The following TCF20 variants were observed in gnomAD, a reference collection of about 807,000 sequenced individuals.
TCF20 encodes SPRE-binding protein.
Under a neutral mutation model 148.6 loss-of-function variants are expected in TCF20, and 3 were observed. That is an observed-to-expected ratio of 0.02 (90% CI 0.01 to 0.05). The LOEUF is 0.05. Among genes scored for constraint, TCF20 ranks in the 10% least tolerant of loss-of-function variants. The pLI is 1.00. For synonymous variants in TCF20, 1,049 were observed against 909.5 expected, an observed-to-expected ratio of 1.15 and a Z score of -2.76; for missense variants, 2,350 against 2,429.3, an observed-to-expected ratio of 0.97 and a Z score of 0.69.
chr22:42,232,579 G>A (rs954610071), intron 1 of TCF20, among the ~76,000 whole-genome samples: 5 of 152,260 alleles, frequency 3.3e-5, no homozygotes, highest in South Asian at 4.1e-4. Flanking sequence ...CGTAATCCCA[G>A]CACTTTGGGA....
At chr22:42,283,423 A>G (rs1486250933) in intron 1 of TCF20, among the ~76,000 whole-genome samples, 1 of 151,520 alleles carries the variant, frequency 6.6e-6, no homozygotes, top group Non-Finnish European at 1.5e-5. Context: ...ACCGGAGGGG[A>G]CGGGGGCGGG....
At chr22:42,316,327 C>T (rs969417180) in intron 1 of TCF20, among the ~76,000 whole-genome samples, 8 of 152,086 alleles carry the variant, frequency 5.3e-5, no homozygotes, top group Non-Finnish European at 1.5e-5. Flanking sequence ...TGCTCCCAAA[C>T]GCTGACCCTG....
At chr22:42,309,643 C>T (rs1200769481) in intron 1 of TCF20, among the ~76,000 whole-genome samples, 1 of 139,080 alleles carries the variant, frequency 7.2e-6, no homozygotes, top group East Asian at 2.0e-4. Flanking sequence ...TCCCCAATGC[C>T]AGCAACGCCC....
intron 2 of TCF20, among the ~76,000 whole-genome samples, chr22:42,189,824 T>C (rs922093740): frequency 6.6e-6 from 1 of 152,244 alleles, no homozygotes; most frequent in Non-Finnish European, 1.5e-5. Flanking sequence ...CTTCCTTATA[T>C]TCAGATATTC....
chr22:42,313,602 T>TC (rs1239911394), intron 1 of TCF20, among the ~76,000 whole-genome samples: 5 of 148,876 alleles, frequency 3.4e-5, no homozygotes, highest in African/African-American at 7.4e-5. Context: ...TCTTTCTTTT[T>TC]TTTTTTTTTT....
At chr22:42,322,831 G>A (rs138985930) in intron 1 of TCF20, among the ~76,000 whole-genome samples, 48 of 137,402 alleles carry the variant, frequency 3.5e-4, no homozygotes, top group African/African-American at 1.5e-3. Flanking sequence ...TCCTGGCAGT[G>A]GGGAGGCTCG....
upstream of TCF20, among the ~76,000 whole-genome samples, chr22:42,285,153 C>T (rs1927003869): frequency 6.6e-6 from 1 of 152,194 alleles, no homozygotes; most frequent in African/African-American, 2.4e-5. This position sits in a 1 kb window ranked among gnomAD's most constrained non-coding sequence, Gnocchi z 4.2. Flanking sequence ...CGGCAGGGCC[C>T]TTCCCCTCTT....
intron 1 of TCF20, among the ~76,000 whole-genome samples, chr22:42,322,537 CAGAGG>C (rs1381937550): frequency 6.6e-6 from 1 of 151,842 alleles, no homozygotes; most frequent in Non-Finnish European, 1.5e-5. Context: ...AAAGGTTGGG[CAGAGG>C]AGAGGAAGGA....
intron 1 of TCF20, among the ~76,000 whole-genome samples, chr22:42,309,968 T>C (rs1041955299): frequency 2.0e-5 from 3 of 152,250 alleles, no homozygotes; most frequent in African/African-American, 7.2e-5. Flanking sequence ...CTTCCAGCCC[T>C]GTCTCTCCAG....
chr22:42,196,256 G>T (rs1937597211), intron 2 of TCF20, among the ~76,000 whole-genome samples: 1 of 152,174 alleles, frequency 6.6e-6, no homozygotes, highest in Non-Finnish European at 1.5e-5. Context: ...AGTGCAGCTG[G>T]GCAGCACTTG....
At chr22:42,208,011 G>A (rs1178413318) in intron 2 of TCF20, among the ~76,000 whole-genome samples, 1 of 152,188 alleles carries the variant, frequency 6.6e-6, no homozygotes, top group African/African-American at 2.4e-5. Flanking sequence ...GGGCAACAAA[G>A]TGAGATGCTG....
intron 1 of TCF20, among the ~76,000 whole-genome samples, chr22:42,280,870 G>C (rs1213424314): frequency 1.3e-5 from 2 of 152,170 alleles, no homozygotes; most frequent in East Asian, 3.9e-4. Flanking sequence ...CTGTGATGTA[G>C]GTATTATTAT....
chr22:42,170,638 A>AG, intron 3 of TCF20, among the ~76,000 whole-genome samples: 1 of 142,174 alleles, frequency 7.0e-6, no homozygotes, highest in Non-Finnish European at 1.5e-5. Flanking sequence ...AAAAAAAAAA[A>AG]AAAAAAAAAA....
At chr22:42,294,219 C>T (rs1331120812) in intron 1 of TCF20, among the ~76,000 whole-genome samples, 10 of 152,288 alleles carry the variant, frequency 6.6e-5, no homozygotes, top group South Asian at 2.1e-4. Context: ...ACCTGCAGTG[C>T]GGTGCATTAA....
rs567445267 is a variant in TCF20, at chr22:42,254,044, C to A, written c.-37+16295G>T. ...TGAGCTGAGATCGTGCCATTGCACT[C>A]CAGCCTGGGCAACAAGAGCAAAACT... is the stretch of plus-strand genomic sequence containing the variant. On this transcript the variant is annotated intron_variant, in intron 1 of 5. Transcript: ENST00000677622. Among the ~76,000 whole-genome samples the A allele has an allele frequency of 2.4e-4, 36 of 147,200 alleles. 1 individual carries two copies. The South Asian group carries it at 4.9e-3, about 20-fold the overall frequency.
chr22:42,343,473 C>T (rs1928204144), intron 1 of TCF20: 1 of 151,004 alleles, frequency 6.6e-6, no homozygotes, highest in Non-Finnish European at 1.5e-5. Context: ...CGCGCTGTCC[C>T]CTTACCCTGG....
chr22:42,259,894 C>T (rs1410462527), intron 1 of TCF20, among the ~76,000 whole-genome samples: 2 of 152,150 alleles, frequency 1.3e-5, no homozygotes, highest in East Asian at 1.9e-4. Context: ...CCAGGAGGAT[C>T]GCTTGAAGCC....
chr22:42,335,027 G>A (rs777902944), intron 1 of TCF20, among the ~76,000 whole-genome samples: 1 of 152,128 alleles, frequency 6.6e-6, no homozygotes, highest in South Asian at 2.1e-4. Flanking sequence ...CTCTGGGCCC[G>A]GAGCCCAGCC....
intron 3 of TCF20, among the ~76,000 whole-genome samples, chr22:42,174,819 A>C (rs1340492032): frequency 6.6e-6 from 1 of 152,100 alleles, no homozygotes; most frequent in African/African-American, 2.4e-5. Context: ...GCAGATCACA[A>C]GGTCAGGAGA....
Sources: gnomAD v4.1 joint callset for allele counts (sites outside exome capture counted in the v4.1 genomes callset) on GRCh38, gnomAD v4.1.1 for gene constraint, Gnocchi (gnomAD v3.1) non-coding constraint, MANE v1.5 for transcripts, NCBI Gene and HGNC (gene_info 2026-07-23, HGNC 2026-07-21) for gene names.